Variants in LRBA observed in about 807,000 individuals in gnomAD.
LRBA encodes lipopolysaccharide-responsive and beige-like anchor protein.
In LRBA, 176 loss-of-function variants were observed where a neutral mutation model predicts 330.0. The ratio of observed to expected loss-of-function variants is 0.53; its 90% CI spans 0.47 to 0.60. The LOEUF is 0.60. Among genes scored for constraint, LRBA ranks in the 20% least tolerant of loss-of-function variants. The probability of loss-of-function intolerance (pLI) is 0.00; values close to 1 mark genes in which losing one functional copy is unlikely to be tolerated. For missense variants in LRBA, 3,259 were observed against 3,444.8 expected (o/e 0.95, Z 1.35); for synonymous variants, 1,230 against 1,193.0 (o/e 1.03, Z -0.64).
intron 2 of LRBA, among the ~76,000 whole-genome samples, chr4:150,941,313 C>T (rs1735653897): frequency 6.6e-6 from 1 of 151,986 alleles, no homozygotes; most frequent in Non-Finnish European, 1.5e-5. Flanking sequence ...CCAACACGCC[C>T]AGCTAATTTT....
chr4:150,485,866 T>C (rs1181346416), intron 42 of LRBA, among the ~76,000 whole-genome samples: 2 of 151,934 alleles, frequency 1.3e-5, no homozygotes, highest in African/African-American at 4.8e-5. Context: ...CCTTTTTCTG[T>C]CCATTTACCT....
intron 47 of LRBA, among the ~76,000 whole-genome samples, chr4:150,410,555 TAACCTTAGGACAATTC>T (rs142653656): frequency 0.011 from 1,671 of 152,220 alleles, 8 homozygotes; most frequent in Non-Finnish European, 0.017. Flanking sequence ...TTTTAACTGG[TAACCTTAGGACAATTC>T]AACAAGAGAA....
intron 47 of LRBA, among the ~76,000 whole-genome samples, chr4:150,413,468 T>C (rs1047861245): frequency 6.6e-6 from 1 of 152,126 alleles, no homozygotes; most frequent in Non-Finnish European, 1.5e-5. Flanking sequence ...AATTAACTAC[T>C]GATATATGCA....
At chr4:151,006,773 G>C (rs1200269414) in intron 2 of LRBA, among the ~76,000 whole-genome samples, 1 of 152,104 alleles carries the variant, frequency 6.6e-6, no homozygotes, top group African/African-American at 2.4e-5. Flanking sequence ...AAAACTGTAT[G>C]CTTGCAGGAA....
rs201865342 is a variant in LRBA at position 150,848,959 on chromosome 4, T to C, written c.4198A>G (p.Ile1400Val). The stretch of plus-strand genomic sequence containing the variant: ...TGCAAAAATGTCACAGAGGCTTCTA[T>C]TGAAAGGCCTTGAGTAGGTTCAATA... ...ENIEPTQGLS[I>V]EASVTFLQRL... The change falls in exon 26 of 57, where the codon ATA becomes GTA. Residue 1400 changes from isoleucine to valine, a missense_variant. Transcript: ENST00000651943. 47 of 1,611,148 alleles carry C rather than the reference T, an allele frequency of 2.9e-5. No homozygotes were observed. The highest frequency in any genetic ancestry group is 1.2e-5 in the Non-Finnish European group (14 of 1,178,850).
intron 36 of LRBA, among the ~76,000 whole-genome samples, chr4:150,716,116 A>C (rs6535746): frequency 0.37 from 55,956 of 152,028 alleles, 10,936 homozygotes; most frequent in Non-Finnish European, 0.44. Flanking sequence ...ATAACAACAA[A>C]AAAAAAAATC....
intron 56 of LRBA, among the ~76,000 whole-genome samples, chr4:150,275,467 G>C (rs1002191806): frequency 1.1e-4 from 16 of 152,122 alleles, no homozygotes; most frequent in Admixed American, 7.2e-4. Flanking sequence ...AGGGTATTCA[G>C]ATAGGAAAAG....
intron 32 of LRBA, among the ~76,000 whole-genome samples, chr4:150,807,794 C>T (rs753126058): frequency 6.6e-6 from 1 of 152,008 alleles, no homozygotes; most frequent in Non-Finnish European, 1.5e-5. Flanking sequence ...TAAAGGTGTG[C>T]ACCACCACAC....
intron 37 of LRBA, among the ~76,000 whole-genome samples, chr4:150,616,487 G>A (rs973555316): frequency 6.6e-6 from 1 of 152,132 alleles, no homozygotes; most frequent in Non-Finnish European, 1.5e-5. Context: ...CAAGGAGAAG[G>A]TAGTAATCAA....
intron 48 of LRBA, among the ~76,000 whole-genome samples, chr4:150,330,413 T>C (rs1733832047): frequency 6.6e-6 from 1 of 152,214 alleles, no homozygotes; most frequent in South Asian, 2.1e-4. Context: ...GTTATTTATG[T>C]CTGTCACTAC....
At chr4:150,567,461 A>G (rs1416964963) in intron 40 of LRBA, among the ~76,000 whole-genome samples, 2 of 152,160 alleles carry the variant, frequency 1.3e-5, no homozygotes, top group African/African-American at 4.8e-5. Context: ...GCATTAAAAA[A>G]AGGACAATGG....
At chr4:150,888,870 C>T (rs1257744088) in intron 17 of LRBA, among the ~76,000 whole-genome samples, 1 of 152,126 alleles carries the variant, frequency 6.6e-6, no homozygotes, top group Non-Finnish European at 1.5e-5. Context: ...ATAAAACCTA[C>T]AACTATTCTG....
intron 2 of LRBA, among the ~76,000 whole-genome samples, chr4:150,983,069 G>C (rs1188807065): frequency 6.6e-6 from 1 of 151,908 alleles, no homozygotes; most frequent in Non-Finnish European, 1.5e-5. Flanking sequence ...AACAGAGCAA[G>C]ACCCTGTCTC....
At position 150,471,619 on chromosome 4, in the gene LRBA, G is replaced by T. The variant is rs751485504; in HGVS notation, c.6667+5C>A. The T allele has an allele frequency of 7.5e-6, 11 of 1,470,830 alleles. No individual in the cohort carries two copies. The East Asian group carries it at 2.5e-4, about 34-fold the overall frequency. 91.1% of individuals were successfully genotyped at this position (1,470,830 alleles called of 1,614,324 possible). A position where few individuals can be genotyped will look rare whatever the true frequency, so the allele number is the denominator to read the frequency against. On this transcript the variant is annotated splice_donor_5th_base_variant and intron_variant, in intron 43 of 56. Coordinates refer to ENST00000651943, the MANE Select transcript of LRBA (RefSeq NM_001364905.1). ...AAAATAAATCAATACATGGAATTAG[G>T]TTACCTGCTATCGTGTTGAGAAACA...
At position 150,893,639 on chromosome 4, in the gene LRBA, G is replaced by A. The variant is rs118153953; in HGVS notation, c.2068-490C>T. ...TGCTGGGATTACAAGTTGAGCCACC[G>A]CACCTGACCTCAAAACAATTTCTTT... On this transcript the variant is annotated intron_variant, in intron 16 of 56. Transcript: ENST00000651943. Among the ~76,000 whole-genome samples the A allele has an allele frequency of 8.5e-3, 1,290 of 151,992 alleles. 54 individuals carry two copies. Among genetic ancestry groups the A allele is most frequent in the Admixed American group, 0.067 (1,017 of 15,258 alleles).
At chr4:150,627,843 A>T (rs903765829) in intron 37 of LRBA, among the ~76,000 whole-genome samples, 2 of 152,098 alleles carry the variant, frequency 1.3e-5, no homozygotes, top group African/African-American at 4.8e-5. Flanking sequence ...TAAAACATTC[A>T]GTTAAAAATA....
chr4:150,612,204 C>T (rs779711268), intron 37 of LRBA, among the ~76,000 whole-genome samples: 8 of 150,400 alleles, frequency 5.3e-5, no homozygotes, highest in Non-Finnish European at 1.0e-4. Flanking sequence ...AAGAAAAGAA[C>T]AAAAAAAAAG....
intron 38 of LRBA, among the ~76,000 whole-genome samples, chr4:150,596,505 G>A (rs1773501064): frequency 6.6e-6 from 1 of 151,714 alleles, no homozygotes. Flanking sequence ...ATAAATAAAA[G>A]TGAGAAGTCA....
At chr4:150,611,254 C>T (rs1253147158) in intron 37 of LRBA, among the ~76,000 whole-genome samples, 4 of 152,096 alleles carry the variant, frequency 2.6e-5, no homozygotes, top group Admixed American at 2.0e-4. Context: ...CATGCTAGTA[C>T]GTATTTTACA....
Sources: gnomAD v4.1 joint callset for allele counts (sites outside exome capture counted in the v4.1 genomes callset) on GRCh38, gnomAD v4.1.1 for gene constraint, MANE v1.5 for transcripts, NCBI Gene and HGNC (gene_info 2026-07-23, HGNC 2026-07-21) for gene names.